Variants in TARBP1 observed in about 807,000 individuals in gnomAD.
The protein encoded by TARBP1 is tRNA guanosine 2 -O-methyltransferase TARBP1, also known as tRNA (guanosine(18)-2'-O)-methyltransferase TARBP1.
In TARBP1, 144 loss-of-function variants were observed where a neutral mutation model predicts 178.6. That is an observed-to-expected ratio of 0.81 (90% CI 0.70 to 0.93). The LOEUF is 0.93. Ranked by LOEUF, TARBP1 falls within the 40% of genes least tolerant of loss-of-function variation. The probability of loss-of-function intolerance (pLI) is 0.00; values close to 1 mark genes in which losing one functional copy is unlikely to be tolerated. For synonymous variants in TARBP1, 787 were observed against 781.0 expected (o/e 1.01, Z -0.13); for missense variants, 2,067 against 2,011.7 (o/e 1.03, Z -0.53).
intron 22 of TARBP1, among the ~76,000 whole-genome samples, chr1:234,413,607 T>C (rs1360944043): frequency 6.6e-6 from 1 of 152,154 alleles, no homozygotes; most frequent in Non-Finnish European, 1.5e-5. Context: ...GAAAGAGGCC[T>C]AAGATCACGC....
intron 22 of TARBP1, among the ~76,000 whole-genome samples, chr1:234,411,701 A>G (rs1661839545): frequency 6.6e-6 from 1 of 152,222 alleles, no homozygotes; most frequent in East Asian, 1.9e-4. Context: ...AAATTTTTTA[A>G]GAAGACTGTT....
chr1:234,450,788 T>C (rs918183082), intron 9 of TARBP1, among the ~76,000 whole-genome samples: 2 of 152,136 alleles, frequency 1.3e-5, no homozygotes, highest in African/African-American at 4.8e-5. Flanking sequence ...GTGTGATATA[T>C]ATATGTGAGA....
intron 17 of TARBP1, among the ~76,000 whole-genome samples, chr1:234,428,717 T>C (rs1422157556): frequency 2.0e-5 from 3 of 152,118 alleles, no homozygotes. Flanking sequence ...GGCTAATTTT[T>C]GTATTTTTAG....
At chr1:234,441,078 G>A (rs1665544546) in intron 12 of TARBP1, among the ~76,000 whole-genome samples, 1 of 152,202 alleles carries the variant, frequency 6.6e-6, no homozygotes, top group Admixed American at 6.5e-5. Flanking sequence ...CAGCTACTTG[G>A]GGGGCTGAGG....
intron 12 of TARBP1, among the ~76,000 whole-genome samples, chr1:234,444,060 G>A (rs575123861): frequency 2.6e-4 from 39 of 152,282 alleles, no homozygotes; most frequent in South Asian, 1.4e-3. Context: ...CAGTGTGAAC[G>A]TACTTTCTAT....
intron 22 of TARBP1, among the ~76,000 whole-genome samples, chr1:234,412,236 A>G (rs1455982036): frequency 6.6e-6 from 1 of 152,162 alleles, no homozygotes; most frequent in East Asian, 1.9e-4. Context: ...AGCCTGGCCA[A>G]TATGGTAAAA....
intron 24 of TARBP1, among the ~76,000 whole-genome samples, chr1:234,404,455 T>C (rs1353953561): frequency 3.3e-5 from 5 of 151,940 alleles, no homozygotes; most frequent in Non-Finnish European, 5.9e-5. Flanking sequence ...CTGAGAAATA[T>C]TAATGTTCAA....
chr1:234,434,324 A>G (rs549863344), intron 13 of TARBP1, among the ~76,000 whole-genome samples: 2 of 152,336 alleles, frequency 1.3e-5, no homozygotes, highest in East Asian at 3.9e-4. Context: ...TTACTATACC[A>G]GAAGAGGCCT....
intron 20 of TARBP1, among the ~76,000 whole-genome samples, chr1:234,424,447 C>G (rs1663475942): frequency 6.6e-6 from 1 of 152,212 alleles, no homozygotes; most frequent in Non-Finnish European, 1.5e-5. Context: ...TTTCATCAGT[C>G]TTAGACAAAC....
At chr1:234,432,551 G>C (rs992935386) in intron 14 of TARBP1, among the ~76,000 whole-genome samples, 15 of 152,190 alleles carry the variant, frequency 9.9e-5, no homozygotes, top group African/African-American at 3.6e-4. Context: ...AGATGAAAGA[G>C]AGTGAGATAC....
chr1:234,433,985 A>G (rs1664751819), intron 13 of TARBP1, among the ~76,000 whole-genome samples: 1 of 152,240 alleles, frequency 6.6e-6, no homozygotes, highest in Non-Finnish European at 1.5e-5. Flanking sequence ...CCACTTTCAT[A>G]AGACAACTAA....
chr1:234,392,676 A>G, intron 28 of TARBP1, 124 bp from the exon 29 acceptor site: 1 of 797,882 alleles, frequency 1.3e-6, no homozygotes, highest in Non-Finnish European at 1.9e-6. Context: ...AGAATTATAC[A>G]TTATAAAAAA....
rs753421895 is a variant in TARBP1 at position 234,450,522 on chromosome 1, G to A, written c.1767C>T (p.Ser589=). 2.9e-5 allele frequency: 47 copies of A among 1,611,186 alleles called. No homozygotes were observed. Among genetic ancestry groups the A allele is most frequent in the Non-Finnish European group, 3.6e-5 (42 of 1,179,008 alleles). ...GAAGTCCAATGGAGCTACACGTAGGGGATGGCTTAAAATAGCTTTCATTAA... is the reference window on the plus strand; with the variant it reads ...GAAGTCCAATGGAGCTACACGTAGGAGATGGCTTAAAATAGCTTTCATTAA... ...LRVNESYFKP[S]PTCSSIGLHK... The change falls in exon 10 of 30, where the codon TCC becomes TCT. Residue 589 remains serine, a synonymous_variant. Transcript: ENST00000040877.
At chr1:234,402,117 T>C (rs1389582962) in intron 24 of TARBP1, among the ~76,000 whole-genome samples, 2 of 152,152 alleles carry the variant, frequency 1.3e-5, no homozygotes, top group Non-Finnish European at 2.9e-5. Flanking sequence ...AAACAAAACC[T>C]TATTAAAGTG....
intron 9 of TARBP1, 86 bp from the exon 10 acceptor site, chr1:234,450,652 T>C: frequency 2.1e-6 from 3 of 1,438,034 alleles, no homozygotes; most frequent in Non-Finnish European, 2.8e-6. Context: ...TTTCTTTCTT[T>C]CACGATAAAC....
Position 234,459,331 on chromosome 1 carries a change from C to T in TARBP1, c.1536-5G>A. 1 of 1,594,336 alleles carries T rather than the reference C, an allele frequency of 6.3e-7. No individual in the cohort carries two copies. The highest frequency in any genetic ancestry group is 1.4e-5 in the African/African-American group (1 of 74,012). On this transcript the variant is annotated splice_region_variant and splice_polypyrimidine_tract_variant and intron_variant, in intron 7 of 29. Coordinates refer to ENST00000040877, the MANE Select transcript of TARBP1 (RefSeq NM_005646.4). ...ATAGTGCAATGAATAACATCCCTGA[C>T]ATCGAAACACAAAAAATGCAGTTCC...
At chr1:234,450,324 C>G in intron 10 of TARBP1, 104 bp downstream of exon 10, 1 of 835,926 alleles carries the variant, frequency 1.2e-6, no homozygotes, top group Non-Finnish European at 1.8e-6. Flanking sequence ...ATCAATAAAT[C>G]ATCATATATT....
At chr1:234,437,144 G>T in intron 13 of TARBP1, 131 bp downstream of exon 13, 3 of 440,236 alleles carry the variant, frequency 6.8e-6, no homozygotes, top group Non-Finnish European at 8.0e-6. Flanking sequence ...GGTTTTTTTT[G>T]CTGCTTCCTA....
At chr1:234,475,737 C>T (rs1430630036) in intron 1 of TARBP1, among the ~76,000 whole-genome samples, 3 of 152,242 alleles carry the variant, frequency 2.0e-5, no homozygotes, top group Non-Finnish European at 4.4e-5. Context: ...CACCAGGGAA[C>T]AAGCATCAGC....
Sources: gnomAD v4.1 joint callset for allele counts (sites outside exome capture counted in the v4.1 genomes callset) on GRCh38, gnomAD v4.1.1 for gene constraint, MANE v1.5 for transcripts, NCBI Gene and HGNC (gene_info 2026-07-23, HGNC 2026-07-21) for gene names.